RIT2: variants seen among roughly 807,000 people sequenced by gnomAD.
RIT2 encodes GTP-binding protein Rit2.
Under a neutral mutation model 23.7 loss-of-function variants are expected in RIT2, and 24 were observed. That is an observed-to-expected ratio of 1.01 (90% confidence interval 0.73 to 1.43). The LOEUF is 1.43. RIT2 is among the 40% of genes most tolerant of loss of function. The pLI is 0.00. For synonymous variants in RIT2, 107 were observed against 91.1 expected, an observed-to-expected ratio of 1.17 and a Z score of -0.99; for missense variants, 236 against 266.9, an observed-to-expected ratio of 0.88 and a Z score of 0.81.
chr18:42,755,320 A>G (rs772548487), intron 4 of RIT2, among the ~76,000 whole-genome samples: 3 of 152,164 alleles, frequency 2.0e-5, no homozygotes, highest in Non-Finnish European at 4.4e-5. Context: ...ATATCCTATC[A>G]TATTCGATAC....
intron 4 of RIT2, among the ~76,000 whole-genome samples, chr18:42,823,696 G>T (rs532828720): frequency 6.6e-6 from 1 of 151,984 alleles, no homozygotes; most frequent in African/African-American, 2.4e-5. Context: ...TTTATTATAC[G>T]TCTATTATGC....
At chr18:42,926,358 T>C (rs1365049584) in intron 3 of RIT2, among the ~76,000 whole-genome samples, 2 of 151,962 alleles carry the variant, frequency 1.3e-5, no homozygotes, top group East Asian at 3.9e-4. Context: ...TTCATTTATA[T>C]GTTGTCTTCT....
At chr18:43,094,189 T>C (rs1042628917) in intron 1 of RIT2, among the ~76,000 whole-genome samples, 6 of 146,962 alleles carry the variant, frequency 4.1e-5, no homozygotes, top group Non-Finnish European at 6.0e-5. Flanking sequence ...TGATGGAAGA[T>C]ACAGAAGATC....
chr18:43,085,993 T>C, intron 1 of RIT2, among the ~76,000 whole-genome samples: 1 of 152,174 alleles, frequency 6.6e-6, no homozygotes, highest in East Asian at 1.9e-4. Context: ...TGTGGAATTG[T>C]GAGTCCATTA....
intron 4 of RIT2, among the ~76,000 whole-genome samples, chr18:42,822,949 G>A (rs571864205): frequency 6.6e-6 from 1 of 152,266 alleles, no homozygotes; most frequent in African/African-American, 2.4e-5. Context: ...AGTTTAGGCA[G>A]GAGAAAGAAA....
At chr18:42,799,327 T>C (rs758915695) in intron 4 of RIT2, among the ~76,000 whole-genome samples, 2 of 152,208 alleles carry the variant, frequency 1.3e-5, no homozygotes, top group Non-Finnish European at 2.9e-5. Flanking sequence ...AGCCAAACCC[T>C]TTACCTAAAG....
At chr18:43,058,252 C>T (rs1022746890) in intron 1 of RIT2, among the ~76,000 whole-genome samples, 5 of 152,028 alleles carry the variant, frequency 3.3e-5, no homozygotes, top group African/African-American at 1.2e-4. Context: ...ACAAAAATTA[C>T]CTTTGAATCT....
chr18:42,811,098 G>T (rs548119408), intron 4 of RIT2, among the ~76,000 whole-genome samples: 1 of 152,028 alleles, frequency 6.6e-6, no homozygotes, highest in Non-Finnish European at 1.5e-5. Flanking sequence ...GACCTCAAAA[G>T]CCTCTTTTAA....
chr18:42,784,245 G>T (rs1913874652), intron 4 of RIT2, among the ~76,000 whole-genome samples: 1 of 147,230 alleles, frequency 6.8e-6, no homozygotes, highest in African/African-American at 2.5e-5. Flanking sequence ...GATGATTCTA[G>T]TCTTCGTTCA....
intron 3 of RIT2, among the ~76,000 whole-genome samples, chr18:42,962,973 T>G (rs1910126544): frequency 6.6e-6 from 1 of 152,300 alleles, no homozygotes; most frequent in African/African-American, 2.4e-5. Flanking sequence ...TTTCCAACTC[T>G]TTTGGTCACA....
At chr18:43,025,766 G>A (rs979769257) in intron 2 of RIT2, among the ~76,000 whole-genome samples, 7 of 152,058 alleles carry the variant, frequency 4.6e-5, no homozygotes, top group East Asian at 3.9e-4. Flanking sequence ...ATTCACTTGT[G>A]AGAGCTAAAT....
intron 1 of RIT2, among the ~76,000 whole-genome samples, chr18:43,077,222 T>C (rs75088292): frequency 0.055 from 8,310 of 151,342 alleles, 271 homozygotes; most frequent in South Asian, 0.13. Flanking sequence ...TGCCAGGAAA[T>C]AGAAAATGTG....
intron 4 of RIT2, among the ~76,000 whole-genome samples, chr18:42,900,104 G>T (rs557607785): frequency 1.3e-5 from 2 of 151,804 alleles, no homozygotes; most frequent in Non-Finnish European, 1.5e-5. Flanking sequence ...CTTAGAGTAC[G>T]CATTATATGT....
At chr18:43,055,689 C>T (rs1274916120) in intron 1 of RIT2, among the ~76,000 whole-genome samples, 2 of 151,960 alleles carry the variant, frequency 1.3e-5, no homozygotes, top group African/African-American at 2.4e-5. Flanking sequence ...AAGATAAAAT[C>T]CACAGGTGTA....
intron 4 of RIT2, among the ~76,000 whole-genome samples, chr18:42,856,814 T>C (rs1215639598): frequency 6.8e-6 from 1 of 146,500 alleles, no homozygotes; most frequent in African/African-American, 2.7e-5. Flanking sequence ...GTCTTTTTCT[T>C]TTCTCTCTCT....
chr18:42,846,657 A>AT (rs764138670), intron 4 of RIT2, among the ~76,000 whole-genome samples: 4 of 152,094 alleles, frequency 2.6e-5, no homozygotes, highest in Non-Finnish European at 5.9e-5. Context: ...CAATGTAATT[A>AT]TTTTTGTGAA....
chr18:42,996,840 T>C (rs1910996492), intron 2 of RIT2, among the ~76,000 whole-genome samples: 1 of 152,138 alleles, frequency 6.6e-6, no homozygotes, highest in South Asian at 2.1e-4. Flanking sequence ...TGACTGCCCA[T>C]ACCACTTTAC....
intron 4 of RIT2, among the ~76,000 whole-genome samples, chr18:42,921,781 G>A (rs1450532998): frequency 3.9e-5 from 6 of 152,068 alleles, no homozygotes; most frequent in Non-Finnish European, 7.4e-5. Context: ...AACAAAAATG[G>A]GCATATGATC....
At chr18:43,006,149 G>A (rs1911223041) in intron 2 of RIT2, among the ~76,000 whole-genome samples, 1 of 151,732 alleles carries the variant, frequency 6.6e-6, no homozygotes, top group African/African-American at 2.4e-5. Context: ...CCAAAAATAA[G>A]CCTTGAACAG....
Sources: gnomAD v4.1 joint callset for allele counts (sites outside exome capture counted in the v4.1 genomes callset) on GRCh38, gnomAD v4.1.1 for gene constraint, MANE v1.5 for transcripts, NCBI Gene and HGNC (gene_info 2026-07-23, HGNC 2026-07-21) for gene names.